Variants in PRPF18 observed in about 807,000 individuals in gnomAD.
The protein encoded by PRPF18 is pre-mRNA processing factor 18.
PRPF18 carries 38 observed loss-of-function variants against 46.5 expected under a neutral mutation model. That is an observed-to-expected ratio of 0.82 (90% CI 0.63 to 1.07). The LOEUF (loss-of-function observed/expected upper bound fraction) is 1.07. PRPF18 is among the 50% of genes least tolerant of loss of function. PRPF18 has a pLI of 0.00. For synonymous variants in PRPF18, 152 were observed against 146.7 expected (o/e 1.04, Z -0.26); for missense variants, 263 against 410.0 (o/e 0.64, Z 3.10).
intron 3 of PRPF18, among the ~76,000 whole-genome samples, chr10:13,602,200 A>G (rs1298903637): frequency 6.6e-6 from 1 of 152,188 alleles, no homozygotes; most frequent in Non-Finnish European, 1.5e-5. Flanking sequence ...TGCCAAACTG[A>G]TGGGTGAAAT....
chr10:13,640,139 A>C, the PRPF18 span: 2 of 152,210 alleles, frequency 1.3e-5, no homozygotes, highest in African/African-American at 4.8e-5. Context: ...TCCACGCCTG[A>C]GAGGTTTCAC....
chr10:13,628,598 T>G (rs575424345), intron 9 of PRPF18, among the ~76,000 whole-genome samples: 7 of 152,274 alleles, frequency 4.6e-5, no homozygotes, highest in East Asian at 3.9e-4. Context: ...TTAACCAGGG[T>G]TGGTTGAATC....
chr10:13,644,155 A>G, the PRPF18 span: 1 of 152,446 alleles, frequency 6.6e-6, no homozygotes, highest in Non-Finnish European at 1.5e-5. Flanking sequence ...AAAATAAAAA[A>G]TCAACCTGGC....
At chr10:13,630,151 C>CTGCTGCAT (rs2080575092) in intron 9 of PRPF18, 109 bp from the exon 10 acceptor site, 1 of 886,108 alleles carries the variant, frequency 1.1e-6, no homozygotes, top group African/African-American at 1.6e-5. Context: ...TTGCTTGGGT[C>CTGCTGCAT]TGCTGCATTT....
intron 9 of PRPF18, among the ~76,000 whole-genome samples, chr10:13,626,761 G>A (rs979159610): frequency 6.6e-6 from 1 of 152,044 alleles, no homozygotes; most frequent in Non-Finnish European, 1.5e-5. Context: ...TTTGGAAAGA[G>A]TGAGGTAGAG....
chr10:13,592,795 A>G (rs190601916), intron 1 of PRPF18, among the ~76,000 whole-genome samples: 3 of 152,348 alleles, frequency 2.0e-5, no homozygotes, highest in Admixed American at 6.5e-5. Context: ...AGGATGAGCT[A>G]TGTGCAGAAT....
At chr10:13,597,279 G>T (rs182269659) in intron 1 of PRPF18, among the ~76,000 whole-genome samples, 179 bp from the exon 2 acceptor site, 11 of 152,200 alleles carry the variant, frequency 7.2e-5, no homozygotes, top group Non-Finnish European at 1.6e-4. Context: ...CGTAGTGGAG[G>T]GTTGTTGATG....
chr10:13,617,758 C>G (rs2080367236), intron 9 of PRPF18, among the ~76,000 whole-genome samples: 1 of 152,022 alleles, frequency 6.6e-6, no homozygotes, highest in Non-Finnish European at 1.5e-5. Context: ...AGCATTTATT[C>G]AAGAATTCTG....
At chr10:13,594,664 A>G (rs1004589782) in intron 1 of PRPF18, among the ~76,000 whole-genome samples, 2 of 152,208 alleles carry the variant, frequency 1.3e-5, no homozygotes, top group South Asian at 2.1e-4. Context: ...TAATATCACC[A>G]CTGATTTCAT....
At chr10:13,593,094 A>G (rs2079988031) in intron 1 of PRPF18, among the ~76,000 whole-genome samples, 3 of 152,232 alleles carry the variant, frequency 2.0e-5, no homozygotes, top group South Asian at 4.1e-4. Context: ...CCTACCCCAC[A>G]TTATACAAAA....
chr10:13,651,990 C>G, the PRPF18 span: 1 of 1,473,378 alleles, frequency 6.8e-7, no homozygotes, highest in Non-Finnish European at 9.5e-7. Context: ...CAAAGGAAAG[C>G]AGGAGGAGGA....
the PRPF18 span, chr10:13,654,581 C>G: frequency 1.0e-6 from 1 of 992,536 alleles, no homozygotes; most frequent in Non-Finnish European, 1.6e-6. Flanking sequence ...GAGCTTGCGA[C>G]TTGTTGGCTG....
the PRPF18 span, chr10:13,637,926 C>T: frequency 3.3e-5 from 5 of 152,154 alleles, no homozygotes; most frequent in Admixed American, 3.3e-4. Flanking sequence ...AGTTCATGTG[C>T]CATAAATGTG....
chr10:13,597,967 C>T (rs1210133079), intron 2 of PRPF18, among the ~76,000 whole-genome samples: 4 of 152,134 alleles, frequency 2.6e-5, no homozygotes, highest in South Asian at 4.2e-4. Flanking sequence ...CTGCCTTCTC[C>T]GGAATATTTT....
intron 1 of PRPF18, among the ~76,000 whole-genome samples, chr10:13,587,388 A>G (rs2132972653): frequency 6.6e-6 from 1 of 152,316 alleles, no homozygotes; most frequent in African/African-American, 2.4e-5. Context: ...GACTTCCCAA[A>G]GCTGGATCAA....
the PRPF18 span, chr10:13,654,524 TG>T: frequency 6.3e-7 from 1 of 1,582,726 alleles, no homozygotes; most frequent in African/African-American, 1.3e-5. Context: ...TACATGCAGG[TG>T]GTGCAAGAAA....
At chr10:13,587,940 G>T (rs1438454561) in intron 1 of PRPF18, among the ~76,000 whole-genome samples, 1 of 152,164 alleles carries the variant, frequency 6.6e-6, no homozygotes, top group Non-Finnish European at 1.5e-5. Context: ...AGGGATGCAG[G>T]TGTGGGAATT....
intron 3 of PRPF18, among the ~76,000 whole-genome samples, chr10:13,604,516 A>G (rs962493592): frequency 6.6e-6 from 1 of 152,150 alleles, no homozygotes; most frequent in African/African-American, 2.4e-5. Context: ...GCAGATTATA[A>G]CTCCCTGTTT....
At chr10:13,589,610 G>C (rs1476685578) in intron 1 of PRPF18, among the ~76,000 whole-genome samples, 2 of 152,160 alleles carry the variant, frequency 1.3e-5, no homozygotes, top group African/African-American at 4.8e-5. Context: ...ATCAGAGTGA[G>C]CAGGCAGATA....
Sources: gnomAD v4.1 joint callset for allele counts (sites outside exome capture counted in the v4.1 genomes callset) on GRCh38, gnomAD v4.1.1 for gene constraint, MANE v1.5 for transcripts, NCBI Gene and HGNC (gene_info 2026-07-23, HGNC 2026-07-21) for gene names.